NOL4L: variants seen among roughly 807,000 people sequenced by gnomAD.
NOL4L encodes nucleolar protein 4-like.
In NOL4L, 7 loss-of-function variants were observed where a neutral mutation model predicts 64.5. The observed-to-expected ratio is 0.11, with a 90% CI of 0.06 to 0.20. NOL4L has a LOEUF of 0.20. Ranked by LOEUF, NOL4L falls within the 10% of genes least tolerant of loss-of-function variation. The pLI, the probability that NOL4L is intolerant of heterozygous loss-of-function variation, is 1.00. For missense variants in NOL4L, 680 were observed against 967.1 expected (o/e 0.70, Z 3.94); for synonymous variants, 413 against 401.0 (o/e 1.03, Z -0.36).
chr20:32,532,369 C>T (rs1273221181), intron 1 of NOL4L: 1 of 985,426 alleles, frequency 1.0e-6, no homozygotes, highest in Non-Finnish European at 1.2e-6. Flanking sequence ...GTGTGCTACA[C>T]CCTAGGGGAA....
chr20:32,549,294 C>T (rs751575715), intron 1 of NOL4L, among the ~76,000 whole-genome samples: 3 of 152,006 alleles, frequency 2.0e-5, no homozygotes, highest in Non-Finnish European at 4.4e-5. Context: ...ATTTTTTTAA[C>T]GGGCAAGGAT....
At position 32,522,583 on chromosome 20, in the gene NOL4L, G is replaced by A. The variant is rs372383477; in HGVS notation, c.478-1661C>T. Among the ~76,000 whole-genome samples, 5 of 152,346 alleles carry A rather than the reference G, an allele frequency of 3.3e-5. No individual in the cohort carries two copies. The East Asian group carries it at 9.7e-4, about 29-fold the overall frequency. ...CCTCAGTAGGCCAGGCAGCAAGAAG[G>A]GCCCTGCCCATCCTGTGTGCAGCCC... On this transcript the variant is annotated intron_variant, in intron 2 of 10. Coordinates refer to ENST00000621426, the MANE Select transcript of NOL4L (RefSeq NM_001256798.2).
chr20:32,529,714 G>A (rs1157834402), intron 1 of NOL4L, among the ~76,000 whole-genome samples: 1 of 152,200 alleles, frequency 6.6e-6, no homozygotes, highest in Non-Finnish European at 1.5e-5. Flanking sequence ...CCTGGGAGGT[G>A]ACCTCACTGG....
chr20:32,447,429 AG>A lies in NOL4L; in HGVS notation c.*166del. 2 of 757,710 alleles carry A rather than the reference AG, an allele frequency of 2.6e-6. No homozygotes were observed. The highest frequency in any genetic ancestry group is 1.9e-5 in the South Asian group (1 of 51,416). 46.9% of individuals were successfully genotyped at this position (757,710 alleles called of 1,614,324 possible). A position where few individuals can be genotyped will look rare whatever the true frequency, so the allele number is the denominator to read the frequency against. ...AAAAAAAAAAAAAAAAAAAAAAAAA[AG>A]TGTCCTTGTGCCCAAAGTCTCAGGT... On this transcript the variant is annotated 3_prime_UTR_variant, in exon 11 of 11. Transcript: ENST00000621426.
intron 6 of NOL4L, among the ~76,000 whole-genome samples, chr20:32,454,405 G>A (rs1192729659): frequency 6.6e-6 from 1 of 151,966 alleles, no homozygotes; most frequent in African/African-American, 2.4e-5. Flanking sequence ...TATGCGGGTA[G>A]AAAGGGAGAG....
chr20:32,453,565 C>T lies in NOL4L; in HGVS notation c.1305+11G>A, dbSNP rs2013153494. ...CCCATCCCACCCCACCTGTTTCCGG[C>T]CGGTGCTCACGTTGAAGGCCTTAAG... On this transcript the variant is annotated intron_variant, in intron 7 of 10. Transcript: ENST00000621426. The surrounding 1 kb of genome is among the most constrained non-coding windows in gnomAD (Gnocchi z 5.6). 6.2e-7 allele frequency: 1 copy of T among 1,613,850 alleles called. No homozygotes were observed. Among genetic ancestry groups the T allele is most frequent in the East Asian group, 2.2e-5 (1 of 44,876 alleles).
intron 1 of NOL4L, among the ~76,000 whole-genome samples, chr20:32,544,615 G>A (rs1223702296): frequency 6.6e-6 from 1 of 152,154 alleles, no homozygotes; most frequent in Non-Finnish European, 1.5e-5. Flanking sequence ...GAAGGAGAGA[G>A]GCAGGGAGGG....
rs1263596901 is a variant in NOL4L, at chr20:32,584,828, C to G, written c.63G>C (p.Ser21=). ...AGTCCCGGAACTGGCGGCCCAGCTC[C>G]GAGTCCCCGGGGCTGCGCTCGCGCT... The part of the protein sequence containing the change: ...GWERERSPGD[S]ELGRQFRDWC... The change falls in exon 1 of 11, where the codon TCG becomes TCC. Residue 21 remains serine, a synonymous_variant. Coordinates refer to ENST00000621426, the MANE Select transcript of NOL4L (RefSeq NM_001256798.2). 6.6e-7 allele frequency: 1 copy of G among 1,513,896 alleles called. No individual in the cohort carries two copies. The highest frequency in any genetic ancestry group is 8.8e-7 in the Non-Finnish European group (1 of 1,134,148). The allele number at this position is 1,513,896 out of a possible 1,614,324, so 93.8% of individuals were successfully genotyped here.
chr20:32,515,038 G>A (rs1247993000), intron 3 of NOL4L, among the ~76,000 whole-genome samples: 1 of 152,194 alleles, frequency 6.6e-6, no homozygotes, highest in Non-Finnish European at 1.5e-5. Context: ...CCTGACTGCA[G>A]TGTCATGACT....
At chr20:32,539,292 C>T (rs1358289405) in intron 1 of NOL4L, among the ~76,000 whole-genome samples, 1 of 152,212 alleles carries the variant, frequency 6.6e-6, no homozygotes, top group Non-Finnish European at 1.5e-5. Flanking sequence ...ATCGAGCACC[C>T]AGGCAAGCAG....
chr20:32,475,694 C>T (rs972835642), intron 4 of NOL4L, among the ~76,000 whole-genome samples: 2 of 152,238 alleles, frequency 1.3e-5, no homozygotes, highest in Non-Finnish European at 1.5e-5. Context: ...GAGTTCTGGC[C>T]TCCCCCCAGC....
intron 1 of NOL4L, among the ~76,000 whole-genome samples, 170 bp downstream of exon 1, chr20:32,584,400 G>A (rs949155710): frequency 6.6e-6 from 1 of 151,434 alleles, no homozygotes; most frequent in African/African-American, 2.4e-5. Flanking sequence ...CTGCCCAGGC[G>A]AGCCGGGAAG....
At chr20:32,531,062 C>T (rs1314797087) in intron 1 of NOL4L, among the ~76,000 whole-genome samples, 2 of 152,128 alleles carry the variant, frequency 1.3e-5, no homozygotes, top group East Asian at 3.8e-4. Flanking sequence ...AGGTAAAATA[C>T]CCATGCAGAA....
chr20:32,462,146 G>T (rs370302746), intron 5 of NOL4L, among the ~76,000 whole-genome samples: 2 of 152,218 alleles, frequency 1.3e-5, no homozygotes, highest in African/African-American at 4.8e-5. Flanking sequence ...GGAGGCCCAC[G>T]CTGGGGAAAG....
At chr20:32,513,706 G>A (rs943635267) in intron 3 of NOL4L, among the ~76,000 whole-genome samples, 2 of 152,010 alleles carry the variant, frequency 1.3e-5, no homozygotes, top group African/African-American at 2.4e-5. Flanking sequence ...TCTACTAAAA[G>A]GTAAAAATGT....
chr20:32,473,207 C>T (rs749209840), intron 5 of NOL4L, among the ~76,000 whole-genome samples: 33 of 152,368 alleles, frequency 2.2e-4, no homozygotes, highest in Non-Finnish European at 4.3e-4. Flanking sequence ...TGTCCCAGAC[C>T]CTTCTTGTGG....
At chr20:32,505,707 C>A (rs117456522) in intron 4 of NOL4L, among the ~76,000 whole-genome samples, 2,834 of 152,244 alleles carry the variant, frequency 0.019, 35 homozygotes, top group Non-Finnish European at 0.03. Context: ...CAGAGTGAGA[C>A]CCTGTCTCAA....
chr20:32,452,196 GC>G, intron 10 of NOL4L, 39 bp downstream of exon 10: 1 of 1,486,698 alleles, frequency 6.7e-7, no homozygotes, highest in Non-Finnish European at 9.0e-7. Context: ...CCAGCTGGGT[GC>G]TGGTCGGGAA....
At chr20:32,535,990 A>G (rs2018508785) in intron 1 of NOL4L, 2 of 985,548 alleles carry the variant, frequency 2.0e-6, no homozygotes, top group South Asian at 4.7e-5. Context: ...AGGTGAAGTC[A>G]CAGGCCTAAG....
Sources: allele counts gnomAD v4.1 joint callset (sites outside exome capture counted in the v4.1 genomes callset), GRCh38; gene constraint gnomAD v4.1.1; non-coding constraint Gnocchi (gnomAD v3.1); transcripts MANE v1.5; gene names NCBI Gene and HGNC (gene_info 2026-07-23, HGNC 2026-07-21).